The following MYO5B variants were observed in gnomAD, a reference collection of about 807,000 sequenced individuals.
MYO5B encodes myosin VB.
A neutral mutation model predicts 229.3 loss-of-function variants in MYO5B; 143 were observed. The observed-to-expected ratio is 0.62, with a 90% CI of 0.54 to 0.72. The LOEUF is 0.72. Ranked by LOEUF, MYO5B falls within the 30% of genes least tolerant of loss-of-function variation. The pLI, the probability that MYO5B is intolerant of heterozygous loss-of-function variation, is 0.00. For missense variants in MYO5B, 2,321 were observed against 2,331.0 expected (o/e 1.00, Z 0.09); for synonymous variants, 918 against 885.2 (o/e 1.04, Z -0.66).
intron 1 of MYO5B, among the ~76,000 whole-genome samples, chr18:50,116,200 A>G (rs141258701): frequency 1.3e-3 from 202 of 152,352 alleles, no homozygotes; most frequent in African/African-American, 4.6e-3. Context: ...ATGGCTACTT[A>G]TCTTTCACCA....
At chr18:49,874,039 C>T (rs1347203436) in intron 26 of MYO5B, among the ~76,000 whole-genome samples, 3 of 152,192 alleles carry the variant, frequency 2.0e-5, no homozygotes, top group East Asian at 1.9e-4. Flanking sequence ...AATCCAAGAA[C>T]TTGACCTCCA....
intron 4 of MYO5B, among the ~76,000 whole-genome samples, chr18:50,019,298 C>A (rs2026250320): frequency 6.6e-6 from 1 of 152,152 alleles, no homozygotes; most frequent in African/African-American, 2.4e-5. Context: ...AACGACTAAG[C>A]CACAGTGAGA....
At chr18:49,901,534 T>C (rs1439583745) in intron 21 of MYO5B, among the ~76,000 whole-genome samples, 4 of 152,244 alleles carry the variant, frequency 2.6e-5, no homozygotes, top group African/African-American at 9.6e-5. Context: ...TTTTCAAGTT[T>C]CTCCTACTGC....
intron 14 of MYO5B, among the ~76,000 whole-genome samples, chr18:49,940,878 G>T (rs2025306097): frequency 6.6e-6 from 1 of 152,212 alleles, no homozygotes; most frequent in South Asian, 2.1e-4. Context: ...TAATGCTGGT[G>T]AAAATTATGG....
At chr18:49,972,928 TC>T (rs2025706417) in intron 10 of MYO5B, among the ~76,000 whole-genome samples, 1 of 152,006 alleles carries the variant, frequency 6.6e-6, no homozygotes, top group South Asian at 2.1e-4. Flanking sequence ...AGGTTTGCCT[TC>T]ACACTCTGCT....
At chr18:50,065,218 C>T (rs2030788608) in intron 1 of MYO5B, among the ~76,000 whole-genome samples, 1 of 152,198 alleles carries the variant, frequency 6.6e-6, no homozygotes, top group Admixed American at 6.5e-5. Context: ...CCATGGACTC[C>T]AGTTCACCTA....
At chr18:50,130,093 T>C (rs1256744000) in intron 1 of MYO5B, among the ~76,000 whole-genome samples, 2 of 152,204 alleles carry the variant, frequency 1.3e-5, no homozygotes, top group East Asian at 3.9e-4. Context: ...GAAACATTGA[T>C]GCAACCACAG....
At chr18:49,892,714 C>T (rs980042570) in intron 22 of MYO5B, among the ~76,000 whole-genome samples, 5 of 152,322 alleles carry the variant, frequency 3.3e-5, no homozygotes, top group Admixed American at 2.6e-4. Context: ...CATCTACCTA[C>T]CTCCAACCAC....
At chr18:50,176,753 CA>C (rs1424672446) in intron 1 of MYO5B, among the ~76,000 whole-genome samples, 1 of 152,212 alleles carries the variant, frequency 6.6e-6, no homozygotes, top group Non-Finnish European at 1.5e-5. Flanking sequence ...AATGTGATAG[CA>C]ATCTTACTGT....
intron 1 of MYO5B, among the ~76,000 whole-genome samples, chr18:50,066,291 C>G (rs2030818199): frequency 2.6e-5 from 4 of 152,068 alleles, no homozygotes; most frequent in African/African-American, 9.7e-5. Context: ...TTTGTCCTAC[C>G]ACTATCCCCA....
intron 1 of MYO5B, among the ~76,000 whole-genome samples, chr18:50,181,929 T>C (rs2033078804): frequency 6.6e-6 from 1 of 152,216 alleles, no homozygotes; most frequent in Non-Finnish European, 1.5e-5. Context: ...TGTGATTAAA[T>C]CTGATGATGG....
chr18:50,074,822 GTTT>G, intron 1 of MYO5B, among the ~76,000 whole-genome samples: 1 of 149,058 alleles, frequency 6.7e-6, no homozygotes, highest in East Asian at 1.9e-4. Context: ...TTTTTTGGGG[GTTT>G]TTTTGTTTGT....
intron 10 of MYO5B, among the ~76,000 whole-genome samples, chr18:49,972,638 C>T (rs541558717): frequency 1.3e-5 from 2 of 152,148 alleles, no homozygotes; most frequent in African/African-American, 4.8e-5. Flanking sequence ...AAGGTAATAC[C>T]GAAAGGTCAG....
intron 1 of MYO5B, among the ~76,000 whole-genome samples, chr18:50,163,614 C>T (rs1243424327): frequency 2.0e-5 from 3 of 152,166 alleles, no homozygotes; most frequent in Non-Finnish European, 4.4e-5. Flanking sequence ...AAATTTTCTG[C>T]AGTGCATTCC....
At chr18:50,105,032 C>G (rs1367949937) in intron 1 of MYO5B, among the ~76,000 whole-genome samples, 1 of 149,340 alleles carries the variant, frequency 6.7e-6, no homozygotes, top group Non-Finnish European at 1.5e-5. Context: ...CATCTAGGAG[C>G]AGGAAGTTAA....
intron 1 of MYO5B, among the ~76,000 whole-genome samples, chr18:50,184,207 G>C (rs138324882): frequency 7.9e-5 from 12 of 152,278 alleles, no homozygotes; most frequent in Non-Finnish European, 1.0e-4. Context: ...GCCTACATTT[G>C]GGACAGAATT....
intron 1 of MYO5B, among the ~76,000 whole-genome samples, chr18:50,109,628 G>C (rs113614067): frequency 0.043 from 6,459 of 151,884 alleles, 143 homozygotes; most frequent in African/African-American, 0.053. Context: ...GGGTCTCACC[G>C]CATTAGCCAG....
chr18:50,192,518 G>A (rs1367330328), intron 1 of MYO5B, among the ~76,000 whole-genome samples: 1 of 152,198 alleles, frequency 6.6e-6, no homozygotes, highest in East Asian at 1.9e-4. Context: ...AAATGATGAA[G>A]ACATCTGCTT....
intron 8 of MYO5B, among the ~76,000 whole-genome samples, chr18:49,983,653 A>C (rs1473226045): frequency 6.6e-6 from 1 of 152,174 alleles, no homozygotes; most frequent in Non-Finnish European, 1.5e-5. Context: ...TTTGTAGTCA[A>C]TCACCTGCTA....
Sources: gnomAD v4.1 joint callset for allele counts (sites outside exome capture counted in the v4.1 genomes callset) on GRCh38, gnomAD v4.1.1 for gene constraint, MANE v1.5 for transcripts, NCBI Gene and HGNC (gene_info 2026-07-23, HGNC 2026-07-21) for gene names.